CNTNAP5: variants seen among roughly 807,000 people sequenced by gnomAD.
CNTNAP5 encodes contactin-associated protein-like 5.
Under a neutral mutation model 150.2 loss-of-function variants are expected in CNTNAP5, and 72 were observed. The observed-to-expected ratio is 0.48, with a 90% CI of 0.40 to 0.58. The LOEUF (loss-of-function observed/expected upper bound fraction) is 0.58. Among genes scored for constraint, CNTNAP5 ranks in the 20% least tolerant of loss-of-function variants. The pLI, the probability that CNTNAP5 is intolerant of heterozygous loss-of-function variation, is 0.00. For missense variants in CNTNAP5, 1,636 were observed against 1,626.2 expected, an observed-to-expected ratio of 1.01 and a Z score of -0.10; for synonymous variants, 672 against 619.8, an observed-to-expected ratio of 1.08 and a Z score of -1.25.
intron 3 of CNTNAP5, among the ~76,000 whole-genome samples, chr2:124,388,789 T>C (rs987471617): frequency 2.6e-5 from 4 of 152,170 alleles, no homozygotes; most frequent in Non-Finnish European, 1.5e-5. Context: ...CAAGTGATTC[T>C]CCTGCCTCTG....
intron 1 of CNTNAP5, among the ~76,000 whole-genome samples, chr2:124,148,585 T>G (rs981108060): frequency 2.7e-4 from 40 of 147,648 alleles, no homozygotes; most frequent in Non-Finnish European, 4.5e-4. Flanking sequence ...TTAGGGCCTA[T>G]TCAGTACATT....
At chr2:124,300,956 A>G (rs1423067356) in intron 3 of CNTNAP5, among the ~76,000 whole-genome samples, 4 of 152,196 alleles carry the variant, frequency 2.6e-5, no homozygotes, top group African/African-American at 4.8e-5. Context: ...GGAGAAAAAT[A>G]TATCCTCAAA....
rs148789828 is a variant in CNTNAP5, at chr2:124,241,747, C to T, written c.188-453C>T. 2.7e-3 allele frequency among the ~76,000 whole-genome samples: 403 copies of T among 151,052 alleles called. 3 individuals are homozygous for T. In the East Asian group the frequency reaches 0.032, roughly 12 times the overall value. On this transcript the variant is annotated intron_variant, in intron 2 of 23. Transcript: ENST00000682447. ...AGGTTCATAGTAAATATTCAGAGAC[C>T]GAGGAGAGAGAAGGTAATGAAAGAA...
At chr2:124,473,888 G>A (rs1379010377) in intron 6 of CNTNAP5, among the ~76,000 whole-genome samples, 3 of 151,984 alleles carry the variant, frequency 2.0e-5, no homozygotes, top group Non-Finnish European at 4.4e-5. Context: ...AATAAAAGTT[G>A]TAAAAGAAGA....
chr2:124,598,849 C>T (rs1229936876), intron 11 of CNTNAP5, among the ~76,000 whole-genome samples: 5 of 152,272 alleles, frequency 3.3e-5, no homozygotes, highest in East Asian at 1.9e-4. Context: ...TCTTGTGGTG[C>T]GCCGTTTTTT....
At chr2:124,868,306 C>T (rs912210120) in intron 20 of CNTNAP5, among the ~76,000 whole-genome samples, 1 of 152,136 alleles carries the variant, frequency 6.6e-6, no homozygotes, top group Admixed American at 6.5e-5. Context: ...TTATCTGACA[C>T]CCCTGCTCAT....
At chr2:124,597,508 A>G (rs561677544) in intron 11 of CNTNAP5, among the ~76,000 whole-genome samples, 2 of 150,568 alleles carry the variant, frequency 1.3e-5, no homozygotes, top group East Asian at 2.0e-4. Flanking sequence ...CTGCCAAGAG[A>G]TCCGCTGTTA....
At chr2:124,643,084 C>A (rs1367158278) in intron 12 of CNTNAP5, among the ~76,000 whole-genome samples, 1 of 152,128 alleles carries the variant, frequency 6.6e-6, no homozygotes, top group East Asian at 1.9e-4. Context: ...TTTAAAAAAG[C>A]CAATATTTCA....
Position 124,874,614 on chromosome 2 carries a change from G to T in CNTNAP5, c.3436+4852G>T, listed in dbSNP as rs62173286. ...TTCAAAACAAAAACTACTATTGTTT[G>T]GTGAAATTAAGAATTAAGTTATTAT... On this transcript the variant is annotated intron_variant, in intron 21 of 23. Transcript: ENST00000682447. Among the ~76,000 whole-genome samples the T allele has an allele frequency of 3.2e-3, 487 of 151,846 alleles. 4 individuals are homozygous for T. The highest frequency in any genetic ancestry group is 6.2e-3 in the Admixed American group (95 of 15,212).
At chr2:124,696,896 G>A (rs1343485894) in intron 13 of CNTNAP5, among the ~76,000 whole-genome samples, 1 of 152,082 alleles carries the variant, frequency 6.6e-6, no homozygotes, top group Non-Finnish European at 1.5e-5. Flanking sequence ...TATCACTTAT[G>A]GATTGGGGCT....
chr2:124,140,424 G>A (rs1252887126), intron 1 of CNTNAP5, among the ~76,000 whole-genome samples: 12 of 137,568 alleles, frequency 8.7e-5, no homozygotes, highest in Non-Finnish European at 1.4e-4. Context: ...GGTTCTCCCA[G>A]CACGCAGCTG....
chr2:124,672,812 C>A (rs188816519), intron 13 of CNTNAP5, among the ~76,000 whole-genome samples: 4 of 151,278 alleles, frequency 2.6e-5, no homozygotes, highest in Admixed American at 2.0e-4. Context: ...TTTCAAGTGA[C>A]CAAGAAGATT....
intron 11 of CNTNAP5, among the ~76,000 whole-genome samples, chr2:124,569,315 C>G (rs994221974): frequency 1.3e-5 from 2 of 152,188 alleles, no homozygotes; most frequent in East Asian, 3.9e-4. Context: ...AACACAGTGG[C>G]ATATTAAAAT....
chr2:124,380,975 G>A (rs1482715151), intron 3 of CNTNAP5, among the ~76,000 whole-genome samples: 1 of 152,182 alleles, frequency 6.6e-6, no homozygotes, highest in Non-Finnish European at 1.5e-5. Context: ...TTTCCCTGGG[G>A]AAGAGAGGGC....
chr2:124,799,336 C>T (rs1001038466), intron 19 of CNTNAP5, among the ~76,000 whole-genome samples: 2 of 152,236 alleles, frequency 1.3e-5, no homozygotes, highest in Non-Finnish European at 2.9e-5. Context: ...TCTTCTGATA[C>T]TGCTTAATTC....
chr2:124,335,780 C>T (rs981107116), intron 3 of CNTNAP5, among the ~76,000 whole-genome samples: 4 of 151,872 alleles, frequency 2.6e-5, no homozygotes, highest in African/African-American at 9.7e-5. Context: ...TAGGTTTTCT[C>T]AACTGTAGTT....
At chr2:124,277,235 A>G (rs1334241173) in intron 3 of CNTNAP5, among the ~76,000 whole-genome samples, 1 of 152,156 alleles carries the variant, frequency 6.6e-6, no homozygotes, top group Non-Finnish European at 1.5e-5. Context: ...GCACATCGCC[A>G]TGCAAGATGG....
intron 3 of CNTNAP5, among the ~76,000 whole-genome samples, chr2:124,339,845 T>C (rs1042518236): frequency 1.3e-5 from 2 of 151,960 alleles, no homozygotes; most frequent in African/African-American, 2.4e-5. Flanking sequence ...CACAGGGGTG[T>C]GGAAAGTGGT....
chr2:124,249,360 A>G (rs752396849), intron 3 of CNTNAP5, among the ~76,000 whole-genome samples: 40 of 152,176 alleles, frequency 2.6e-4, no homozygotes, highest in Non-Finnish European at 5.0e-4. Context: ...GATTTAATCA[A>G]CTAAGAGCCA....
Sources: gnomAD v4.1 joint callset for allele counts (sites outside exome capture counted in the v4.1 genomes callset) on GRCh38, gnomAD v4.1.1 for gene constraint, MANE v1.5 for transcripts, NCBI Gene and HGNC (gene_info 2026-07-23, HGNC 2026-07-21) for gene names.